The following ASGR1 variants were observed in gnomAD, a reference collection of about 807,000 sequenced individuals.
ASGR1 encodes C-type lectin domain family 4 member H1.
ASGR1 carries 35 observed loss-of-function variants against 33.1 expected under a neutral mutation model. That is an observed-to-expected ratio of 1.06 (90% CI 0.81 to 1.40). The LOEUF (loss-of-function observed/expected upper bound fraction) is 1.40. Among genes scored for constraint, ASGR1 ranks in the 40% most tolerant of loss-of-function variants. The probability of loss-of-function intolerance (pLI) is 0.00; values close to 1 mark genes in which losing one functional copy is unlikely to be tolerated. For synonymous variants in ASGR1, 142 were observed against 152.5 expected (o/e 0.93, Z 0.51); for missense variants, 396 against 373.7 (o/e 1.06, Z -0.49).
chr17:7,177,198 T>G lies in ASGR1; in HGVS notation c.187+12A>C. The G allele has an allele frequency of 6.2e-7, 1 of 1,610,462 alleles. No individual in the cohort carries two copies. The highest frequency in any genetic ancestry group is 8.5e-7 in the Non-Finnish European group (1 of 1,178,232). On this transcript the variant is annotated intron_variant, in intron 3 of 8. Transcript: ENST00000269299. ...CCCAATGTTGCCCCCTTCCCACCCC[T>G]GGGGCACCCACTTTGGGATCCGATC...
chr17:7,174,373 C>T lies in ASGR1; in HGVS notation c.442+1G>A. ...AGAGCGGGCCGGGCTGGCCTCCTTA[C>T]CATTGCCCTGGAGCGCCGCCATCTG... On this transcript the variant is annotated splice_donor_variant, in intron 6 of 8. Coordinates refer to ENST00000269299, the MANE Select transcript of ASGR1 (RefSeq NM_001671.5). LOFTEE classifies it high-confidence loss of function. The T allele has an allele frequency of 6.2e-7, 1 of 1,613,994 alleles. No individual in the cohort carries two copies. Among genetic ancestry groups the T allele is most frequent in the South Asian group, 1.1e-5 (1 of 91,072 alleles).
chr17:7,177,073 G>T lies in ASGR1; in HGVS notation c.191C>A (p.Ser64Tyr), dbSNP rs151284398. The T allele has an allele frequency of 8.7e-6, 14 of 1,613,692 alleles. No homozygotes were observed. The African/African-American group carries it at 1.7e-4, about 20-fold the overall frequency. Residue 64 changes from serine (S) to tyrosine (Y), a missense_variant, in exon 4 of 9, where the codon TCC becomes TAC. Ser to Tyr is a moderately radical substitution (Grantham distance 144, BLOSUM62 -2). Transcript: ENST00000269299. The stretch of plus-strand genomic sequence containing the variant: ...GCCCCGCAGCTCCTCCTGCAGCTGG[G>T]AGTCTGGCCAGGACAGCGTGCAGAG... ...VVVCVIGSQNSQLQEELRGLR... is the reference protein window; with the variant it reads ...VVVCVIGSQNYQLQEELRGLR...
At chr17:7,178,798 A>G (rs1405852778) in intron 1 of ASGR1, 2 of 381,136 alleles carry the variant, frequency 5.2e-6, no homozygotes, top group South Asian at 4.9e-5. Flanking sequence ...GTGCAGTGGC[A>G]TGATCTCAGC....
intron 5 of ASGR1, among the ~76,000 whole-genome samples, chr17:7,175,141 CAA>C (rs545109223): frequency 6.7e-6 from 1 of 150,162 alleles, no homozygotes; most frequent in South Asian, 2.1e-4. Context: ...CACATACACA[CAA>C]CACACACAAA....
intron 2 of ASGR1, 109 bp from the exon 3 acceptor site, chr17:7,177,435 C>T: frequency 3.7e-6 from 3 of 814,838 alleles, no homozygotes; most frequent in East Asian, 2.7e-5. Flanking sequence ...CTAGGAGGAA[C>T]CATGTACATG....
rs768502537 is a variant in ASGR1, at chr17:7,177,018, C to G, written c.246G>C (p.Ala82=). The change falls in exon 4 of 9, where the codon GCG becomes GCC. Residue 82 remains alanine, a synonymous_variant. Coordinates refer to ENST00000269299, the MANE Select transcript of ASGR1 (RefSeq NM_001671.5). ...GLRETFSNFT[A]STEAQVKGLS... ...AGCCCTTGACCTGGGCCTCCGTGCTCGCTGTGAAGTTGCTGAACGTCTCTC... is the reference window on the plus strand; with the variant it reads ...AGCCCTTGACCTGGGCCTCCGTGCTGGCTGTGAAGTTGCTGAACGTCTCTC... 6.2e-7 allele frequency: 1 copy of G among 1,612,740 alleles called. No homozygotes were observed. The highest frequency in any genetic ancestry group is 2.2e-5 in the East Asian group (1 of 44,832).
At chr17:7,176,529 A>G (rs948008475) in intron 5 of ASGR1, 1 of 494,416 alleles carries the variant, frequency 2.0e-6, no homozygotes, top group East Asian at 3.8e-5. Flanking sequence ...TCTCATTCCC[A>G]CACACACACC....
chr17:7,173,835 T>C lies in ASGR1; in HGVS notation c.702-2A>G, dbSNP rs759605507. ...TCCGGCTGCTCCGGCCTCCAGTTCC[T>C]GGGGACAGAGCCAGCTGTGGGCCCC... On this transcript the variant is annotated splice_acceptor_variant, in intron 8 of 8. Coordinates refer to ENST00000269299, the MANE Select transcript of ASGR1 (RefSeq NM_001671.5). LOFTEE classifies it high-confidence loss of function. This position sits in a 1 kb window ranked among gnomAD's most constrained non-coding sequence, Gnocchi z 4.7. 6.2e-7 allele frequency: 1 copy of C among 1,609,878 alleles called. No individual in the cohort carries two copies.
chr17:7,174,154 G>A lies in ASGR1; in HGVS notation c.578C>T (p.Thr193Met), dbSNP rs761235750. Residue 193 changes from threonine (T) to methionine (M), a missense_variant, in exon 7 of 9, where the codon ACG (threonine) becomes ATG (methionine). Transcript: ENST00000269299. ...GGTCCTCACCTGCTCCTCCCAGGAC[G>A]TGACCACCACCAGGTGCGCGTCCTC... ...RLEDAHLVVV[T>M]SWEEQKFVQH... 1.9e-6 allele frequency: 3 copies of A among 1,614,076 alleles called. No individual in the cohort carries two copies. The highest frequency in any genetic ancestry group is 3.3e-4 in the Middle Eastern group (2 of 6,062).
chr17:7,174,435 C>G lies in ASGR1; in HGVS notation c.381G>C (p.Val127=). Residue 127 remains valine (V), a synonymous_variant, in exon 6 of 9, where the codon GTG becomes GTC. Coordinates refer to ENST00000269299, the MANE Select transcript of ASGR1 (RefSeq NM_001671.5). ...TCCGCAGGTCAGACACGAACTGCTTCACGTGGAGCAGCAGGCTGGAGTGAT... is the reference window on the plus strand; with the variant it reads ...TCCGCAGGTCAGACACGAACTGCTTGACGTGGAGCAGCAGGCTGGAGTGAT... ...SEDHSSLLLH[V]KQFVSDLRSL... is the part of the protein sequence containing the mutation. The G allele has an allele frequency of 6.2e-7, 1 of 1,613,506 alleles. No homozygotes were observed. Among genetic ancestry groups the G allele is most frequent in the Non-Finnish European group, 8.5e-7 (1 of 1,179,798 alleles).
intron 5 of ASGR1, 39 bp downstream of exon 5, chr17:7,176,787 CTCTT>C (rs1212692559): frequency 1.3e-5 from 21 of 1,579,948 alleles, no homozygotes; most frequent in Non-Finnish European, 1.8e-5. Flanking sequence ...CATTCTCACT[CTCTT>C]TCACACACAC....
At position 7,176,957 on chromosome 17, in the gene ASGR1, C is replaced by T. The variant is rs751972127; in HGVS notation, c.283+24G>A. The T allele has an allele frequency of 7.5e-6, 12 of 1,601,252 alleles. No homozygotes were observed. The South Asian group carries it at 1.3e-4, about 18-fold the overall frequency. On this transcript the variant is annotated intron_variant, in intron 4 of 8. Coordinates refer to ENST00000269299, the MANE Select transcript of ASGR1 (RefSeq NM_001671.5). ...CAGCCCCCCAGCCCCAGCCCCAGCC[C>T]CAGCCCCGCCCCAGCGCCCTCACCC...
At chr17:7,176,102 CCT>C (rs536473168) in intron 5 of ASGR1, among the ~76,000 whole-genome samples, 122 of 150,354 alleles carry the variant, frequency 8.1e-4, no homozygotes, top group African/African-American at 2.5e-3. Flanking sequence ...ACACACACTC[CCT>C]CTCATTCTCA....
chr17:7,178,554 C>G lies in ASGR1; in HGVS notation c.10G>C (p.Glu4Gln). ...TCCAGATGCTGAAGGTCTTGATACT[C>G]CTTGGTCATGATAGGGCTGGCGCTG... MTKEYQDLQHLDNE... is the reference protein window; with the variant it reads MTKQYQDLQHLDNE... The change falls in exon 2 of 9, where the codon GAG (glutamate) becomes CAG (glutamine). Residue 4 changes from glutamate (E) to glutamine (Q), a missense_variant. By Grantham distance (29) the Glu-to-Gln change is conservative. Transcript: ENST00000269299. 3.1e-6 allele frequency: 5 copies of G among 1,613,968 alleles called. No individual in the cohort carries two copies. Among genetic ancestry groups the G allele is most frequent in the Non-Finnish European group, 3.4e-6 (4 of 1,179,984 alleles).
chr17:7,174,698 CACAG>C (rs1427748734), intron 5 of ASGR1, among the ~76,000 whole-genome samples: 1 of 145,764 alleles, frequency 6.9e-6, no homozygotes, highest in African/African-American at 2.5e-5. Context: ...AACACACACA[CACAG>C]ACAATATACA....
In ASGR1 at chr17:7,177,337, AG is replaced by A; in HGVS notation, c.71-12del. 1.2e-6 allele frequency: 2 copies of A among 1,610,794 alleles called. No individual in the cohort carries two copies. Among genetic ancestry groups the A allele is most frequent in the Admixed American group, 1.7e-5 (1 of 59,904 alleles). On this transcript the variant is annotated splice_polypyrimidine_tract_variant and intron_variant, in intron 2 of 8. Coordinates refer to ENST00000269299, the MANE Select transcript of ASGR1 (RefSeq NM_001671.5). ...GGGGAGGAGGTGGCCCTGCAAGAGGAGGGGGTGTCAGGAGCGCGGGGACAGA... is the reference window on the plus strand; with the variant it reads ...GGGGAGGAGGTGGCCCTGCAAGAGGAGGGGTGTCAGGAGCGCGGGGACAGA...
chr17:7,173,598 C>G lies in ASGR1; in HGVS notation c.*61G>C. The G allele has an allele frequency of 6.2e-7, 1 of 1,604,704 alleles. No individual in the cohort carries two copies. ...ATTCCCGAGAAAGCAGAAGAGGCCC[C>G]CAGATGGGCGGATTCCCAATCCCGG... On this transcript the variant is annotated 3_prime_UTR_variant, in exon 9 of 9. Coordinates refer to ENST00000269299, the MANE Select transcript of ASGR1 (RefSeq NM_001671.5). The surrounding 1 kb of genome is among the most constrained non-coding windows in gnomAD (Gnocchi z 4.7).
In ASGR1 at chr17:7,173,466, A is replaced by AG; in HGVS notation, c.*192dup. ...TTTCTTTTTACTCTTAAAAAAAAAAAGTTCACAATGATAACCTGCAAACTG... is the reference window on the plus strand; with the variant it reads ...TTTCTTTTTACTCTTAAAAAAAAAAAGGTTCACAATGATAACCTGCAAACTG... On this transcript the variant is annotated 3_prime_UTR_variant, in exon 9 of 9. Transcript: ENST00000269299. The surrounding 1 kb of genome is among the most constrained non-coding windows in gnomAD (Gnocchi z 4.7). 1.4e-6 allele frequency: 1 copy of AG among 722,494 alleles called. No homozygotes were observed. The highest frequency in any genetic ancestry group is 1.9e-5 in the South Asian group (1 of 51,458). 44.8% of individuals were successfully genotyped at this position (722,494 alleles called of 1,614,324 possible).
chr17:7,175,614 AAC>A lies in ASGR1; in HGVS notation c.356-1156_356-1155del, dbSNP rs928274413. Among the ~76,000 whole-genome samples the A allele has an allele frequency of 6.6e-5, 10 of 150,678 alleles. No individual in the cohort carries two copies. In the South Asian group the frequency reaches 1.0e-3, roughly 16 times the overall value. On this transcript the variant is annotated intron_variant, in intron 5 of 8. Transcript: ENST00000269299. ...CATATACTTACATTCTCACACACGCAACACACTAACACACACGTTCTCACATA... is the reference window on the plus strand; with the variant it reads ...CATATACTTACATTCTCACACACGCAACACTAACACACACGTTCTCACATA...
Sources: gnomAD v4.1 joint callset for allele counts (sites outside exome capture counted in the v4.1 genomes callset) on GRCh38, gnomAD v4.1.1 for gene constraint, Gnocchi (gnomAD v3.1) non-coding constraint, MANE v1.5 for transcripts, NCBI Gene and HGNC (gene_info 2026-07-23, HGNC 2026-07-21) for gene names.